Variants in MYBPC2 observed in about 807,000 individuals in gnomAD.
MYBPC2 encodes the protein myosin binding protein C2.
In MYBPC2, 122 loss-of-function variants were observed where a neutral mutation model predicts 137.0. The ratio of observed to expected loss-of-function variants is 0.89; its 90% CI spans 0.77 to 1.03. The LOEUF is 1.03. Ranked by LOEUF, MYBPC2 falls within the 50% of genes least tolerant of loss-of-function variation. The pLI is 0.00. For synonymous variants in MYBPC2, 626 were observed against 612.3 expected (o/e 1.02, Z -0.33); for missense variants, 1,500 against 1,534.4 (o/e 0.98, Z 0.37).
At chr19:50,455,344 C>A in intron 19 of MYBPC2, 48 bp downstream of exon 19, 1 of 1,572,224 alleles carries the variant, frequency 6.4e-7, no homozygotes, top group Non-Finnish European at 8.7e-7. Flanking sequence ...ATGGATCACT[C>A]TGATCCATCA....
chr19:50,442,114 C>A, intron 8 of MYBPC2, 67 bp from the exon 9 acceptor site: 4 of 1,522,850 alleles, frequency 2.6e-6, no homozygotes, highest in Non-Finnish European at 3.5e-6. Flanking sequence ...AGATGTGGTG[C>A]CTCTGGGGAT....
chr19:50,440,761 T>A, intron 7 of MYBPC2, 119 bp from the exon 8 acceptor site: 3 of 999,888 alleles, frequency 3.0e-6, no homozygotes, highest in Non-Finnish European at 4.3e-6. Context: ...CGGGAAACAA[T>A]AAGACCCCTA....
chr19:50,447,784 G>A (rs948217057), intron 12 of MYBPC2, among the ~76,000 whole-genome samples: 3 of 152,070 alleles, frequency 2.0e-5, no homozygotes, highest in Admixed American at 6.6e-5. Flanking sequence ...TTGTACCCGG[G>A]GGGTGGAGTT....
In MYBPC2 at chr19:50,459,292, G is replaced by A. The variant is rs2039946365; in HGVS notation, c.2777G>A (p.Arg926His). The change falls in exon 23 of 28, where the codon CGC becomes CAC. Residue 926 changes from arginine to histidine, a missense_variant. Coordinates refer to ENST00000357701, the MANE Select transcript of MYBPC2 (RefSeq NM_004533.4). ...IENMKDTATIRIRVVEKAGPP... is the reference protein window; with the variant it reads ...IENMKDTATIHIRVVEKAGPP... ...AACATGAAGGACACCGCCACCATCCGCATCCGCGTTGTGGGTGCGCGCGCT... is the reference window on the plus strand; with the variant it reads ...AACATGAAGGACACCGCCACCATCCACATCCGCGTTGTGGGTGCGCGCGCT... The A allele has an allele frequency of 6.2e-7, 1 of 1,604,824 alleles. No individual in the cohort carries two copies.
intron 11 of MYBPC2, among the ~76,000 whole-genome samples, chr19:50,445,640 A>C (rs962012619): frequency 6.6e-6 from 1 of 151,670 alleles, no homozygotes; most frequent in African/African-American, 2.4e-5. Flanking sequence ...TGATCCACAC[A>C]CCTCAGCCTC....
chr19:50,440,633 A>G (rs1415559326), intron 7 of MYBPC2, among the ~76,000 whole-genome samples: 3 of 148,516 alleles, frequency 2.0e-5, no homozygotes. Flanking sequence ...ACTGCACTCC[A>G]GCCTGGGAGA....
intron 9 of MYBPC2, among the ~76,000 whole-genome samples, chr19:50,442,666 C>A (rs1325208878): frequency 6.6e-6 from 1 of 151,754 alleles, no homozygotes; most frequent in East Asian, 2.0e-4. Flanking sequence ...CAAGAGGTTG[C>A]GGTTGCGGTG....
At chr19:50,457,490 G>C (rs558615791) in intron 20 of MYBPC2, among the ~76,000 whole-genome samples, 1 of 152,158 alleles carries the variant, frequency 6.6e-6, no homozygotes, top group Non-Finnish European at 1.5e-5. Flanking sequence ...CTGCCCCTCT[G>C]TGCCAGCCTT....
chr19:50,462,538 G>C (rs1350129066), intron 26 of MYBPC2, among the ~76,000 whole-genome samples: 1 of 151,858 alleles, frequency 6.6e-6, no homozygotes, highest in Non-Finnish European at 1.5e-5. Context: ...CAGAGCCCAA[G>C]TCTCAGACAA....
At position 50,464,465 on chromosome 19, in the gene MYBPC2, G is replaced by C. The variant is rs567850000; in HGVS notation, c.3348G>C (p.Gly1116=). The change falls in exon 27 of 28, where the codon GGG becomes GGC. Residue 1116 remains glycine (G), a synonymous_variant. Transcript: ENST00000357701. The part of the protein sequence containing the change: ...NIRRPSPFDA[G]TYTCRAVNEL... Reference sequence around the variant, plus strand: ...GTCGCCCCTCGCCCTTCGACGCTGGGACTTACACCTGCCGGGCCGTCAACG... The same window carrying C: ...GTCGCCCCTCGCCCTTCGACGCTGGCACTTACACCTGCCGGGCCGTCAACG... 1.2e-6 allele frequency: 2 copies of C among 1,612,894 alleles called. No individual in the cohort carries two copies. Among genetic ancestry groups the C allele is most frequent in the Non-Finnish European group, 1.7e-6 (2 of 1,179,656 alleles).
chr19:50,462,164 T>TA, intron 26 of MYBPC2, 128 bp downstream of exon 26: 1 of 1,334,536 alleles, frequency 7.5e-7, no homozygotes, highest in South Asian at 1.7e-5. Context: ...TTTAGTCACT[T>TA]AAAAAATTTT....
In MYBPC2 at chr19:50,459,128, G is replaced by GCT. The variant is rs1454996375; in HGVS notation, c.2613_2614insCT (p.Val872LeufsTer42). Reference sequence around the variant, plus strand: ...CCCCGCAGGGAAAGCCCCGGCCCCAGGTGGTGTGGACCAAGGGCGGGGCCC... The same window carrying GCT: ...CCCCGCAGGGAAAGCCCCGGCCCCAGCTGTGGTGTGGACCAAGGGCGGGGCCC... On this transcript the variant is annotated frameshift_variant, in exon 23 of 28. Coordinates refer to ENST00000357701, the MANE Select transcript of MYBPC2 (RefSeq NM_004533.4). LOFTEE classifies it high-confidence loss of function. 9 of 1,546,214 alleles carry GCT rather than the reference G, an allele frequency of 5.8e-6. No individual in the cohort carries two copies. The highest frequency in any genetic ancestry group is 7.9e-6 in the Non-Finnish European group (9 of 1,146,418).
At chr19:50,450,411 A>G (rs2039845089) in intron 13 of MYBPC2, among the ~76,000 whole-genome samples, 1 of 151,848 alleles carries the variant, frequency 6.6e-6, no homozygotes, top group African/African-American at 2.4e-5. Flanking sequence ...GTGAGCCACC[A>G]TGCCCGGCCA....
chr19:50,459,315 G>A lies in MYBPC2; in HGVS notation c.2791+9G>A. 4 of 1,589,328 alleles carry A rather than the reference G, an allele frequency of 2.5e-6. No individual in the cohort carries two copies. The highest frequency in any genetic ancestry group is 3.4e-6 in the Non-Finnish European group (4 of 1,167,526). On this transcript the variant is annotated intron_variant, in intron 23 of 27. Coordinates refer to ENST00000357701, the MANE Select transcript of MYBPC2 (RefSeq NM_004533.4). ...CCGCATCCGCGTTGTGGGTGCGCGCGCTGGGGAGGGCCCCTGGAGGCCGGG... is the reference window on the plus strand; with the variant it reads ...CCGCATCCGCGTTGTGGGTGCGCGCACTGGGGAGGGCCCCTGGAGGCCGGG...
intron 16 of MYBPC2, among the ~76,000 whole-genome samples, chr19:50,453,157 T>C (rs1311683409): frequency 1.3e-5 from 2 of 152,214 alleles, no homozygotes; most frequent in African/African-American, 4.8e-5. Flanking sequence ...TTTCACTATG[T>C]TGCCCATGCT....
In MYBPC2 at chr19:50,466,321, A is replaced by G; in HGVS notation, c.*116A>G. 1.4e-6 allele frequency: 2 copies of G among 1,419,610 alleles called. No homozygotes were observed. Among genetic ancestry groups the G allele is most frequent in the Non-Finnish European group, 2.0e-6 (2 of 1,024,394 alleles). 87.9% of individuals were successfully genotyped at this position (1,419,610 alleles called of 1,614,324 possible). ...CTGAGAACAAAACAGTGTTGTCTGG[A>G]CCCTGGAGTGTCTGTCCTTCTTGAC... On this transcript the variant is annotated 3_prime_UTR_variant, in exon 28 of 28. Coordinates refer to ENST00000357701, the MANE Select transcript of MYBPC2 (RefSeq NM_004533.4). The surrounding 1 kb of genome is among the most constrained non-coding windows in gnomAD (Gnocchi z 4.9).
At chr19:50,441,858 A>T (rs1010869516) in intron 8 of MYBPC2, among the ~76,000 whole-genome samples, 5 of 146,296 alleles carry the variant, frequency 3.4e-5, no homozygotes, top group African/African-American at 1.3e-4. Context: ...AAAATAAAAT[A>T]AAAAATAAAA....
At chr19:50,463,361 C>CCATG (rs1392939708) in intron 26 of MYBPC2, among the ~76,000 whole-genome samples, 2 of 152,198 alleles carry the variant, frequency 1.3e-5, no homozygotes, top group Non-Finnish European at 2.9e-5. Context: ...TTAAGGCATA[C>CCATG]CATGTCTCCA....
intron 1 of MYBPC2, among the ~76,000 whole-genome samples, chr19:50,433,795 G>C (rs1248657301): frequency 4.0e-5 from 6 of 149,938 alleles, no homozygotes; most frequent in African/African-American, 1.5e-4. Flanking sequence ...CTCAGAGGGA[G>C]CCAGGTGCAG....
Sources: allele counts gnomAD v4.1 joint callset (sites outside exome capture counted in the v4.1 genomes callset), GRCh38; gene constraint gnomAD v4.1.1; non-coding constraint Gnocchi (gnomAD v3.1); transcripts MANE v1.5; gene names NCBI Gene and HGNC (gene_info 2026-07-23, HGNC 2026-07-21).